CACNA1D: variants seen among roughly 807,000 people sequenced by gnomAD.
The protein encoded by CACNA1D is voltage-dependent L-type calcium channel subunit alpha-1D.
A neutral mutation model predicts 257.1 loss-of-function variants in CACNA1D; 55 were observed. The observed-to-expected ratio is 0.21, with a 90% CI of 0.17 to 0.27. The LOEUF is 0.27. Among genes scored for constraint, CACNA1D ranks in the 10% least tolerant of loss-of-function variants. CACNA1D has a pLI of 1.00. For missense variants in CACNA1D, 1,876 were observed against 2,784.0 expected (o/e 0.67, Z 7.34); for synonymous variants, 980 against 1,014.9 (o/e 0.97, Z 0.65).
intron 3 of CACNA1D, among the ~76,000 whole-genome samples, chr3:53,609,095 TG>T (rs1317085065): frequency 6.6e-6 from 1 of 152,106 alleles, no homozygotes. Context: ...GTTCTCTTTG[TG>T]GAAAGATTTC....
intron 5 of CACNA1D, among the ~76,000 whole-genome samples, chr3:53,664,612 G>T (rs568620247): frequency 5.4e-4 from 83 of 152,308 alleles, no homozygotes; most frequent in African/African-American, 1.8e-3. Flanking sequence ...TTGGTACTCT[G>T]TTCTTCTTCC....
At chr3:53,616,436 C>G (rs1284544153) in intron 3 of CACNA1D, among the ~76,000 whole-genome samples, 1 of 152,188 alleles carries the variant, frequency 6.6e-6, no homozygotes, top group Non-Finnish European at 1.5e-5. Context: ...CCCTCTTTCT[C>G]TGCTCTCCCT....
intron 4 of CACNA1D, among the ~76,000 whole-genome samples, chr3:53,657,199 G>T (rs112017042): frequency 1.3e-5 from 2 of 151,978 alleles, no homozygotes; most frequent in South Asian, 2.1e-4. Flanking sequence ...GGATATTACA[G>T]AACAACAAAA....
rs1275840982 is a variant in CACNA1D, at chr3:53,793,301, A to G, written c.4923+6349A>G. On this transcript the variant is annotated intron_variant, in intron 40 of 47. Transcript: ENST00000350061. This position sits in a 1 kb window ranked among gnomAD's most constrained non-coding sequence, Gnocchi z 4.1. The stretch of plus-strand genomic sequence containing the variant: ...ATTAAGTTATAAGAATTTATGAAGA[A>G]TGTGATGTATCGTCCCTGAAAGGGA... Among the ~76,000 whole-genome samples, 2 of 152,176 alleles carry G rather than the reference A, an allele frequency of 1.3e-5. No homozygotes were observed.
intron 4 of CACNA1D, among the ~76,000 whole-genome samples, chr3:53,658,806 A>G (rs1207894622): frequency 2.0e-5 from 3 of 152,246 alleles, no homozygotes; most frequent in African/African-American, 7.2e-5. Context: ...GGGAGAGCTC[A>G]CCATCTGAAG....
chr3:53,608,715 A>G (rs1177269964), intron 3 of CACNA1D, among the ~76,000 whole-genome samples: 1 of 152,182 alleles, frequency 6.6e-6, no homozygotes, highest in Non-Finnish European at 1.5e-5. Flanking sequence ...CACTCTTTTA[A>G]CGTATCTATT....
At chr3:53,524,227 T>C (rs2091680952) in intron 3 of CACNA1D, among the ~76,000 whole-genome samples, 1 of 152,202 alleles carries the variant, frequency 6.6e-6, no homozygotes, top group African/African-American at 2.4e-5. Flanking sequence ...TTTTCCTGAA[T>C]TGGGCAGTGG....
intron 3 of CACNA1D, among the ~76,000 whole-genome samples, chr3:53,620,280 C>T (rs1001637264): frequency 2.0e-5 from 3 of 152,054 alleles, no homozygotes; most frequent in Admixed American, 1.3e-4. Flanking sequence ...ACCCAGTTCT[C>T]GTCCATCTCT....
intron 4 of CACNA1D, among the ~76,000 whole-genome samples, chr3:53,658,491 A>G (rs1476427847): frequency 6.6e-6 from 1 of 152,236 alleles, no homozygotes; most frequent in Non-Finnish European, 1.5e-5. Context: ...CTGAAGAACA[A>G]GGAATAAAGG....
At chr3:53,763,889 T>C (rs1488945581) in intron 30 of CACNA1D, among the ~76,000 whole-genome samples, 1 of 152,158 alleles carries the variant, frequency 6.6e-6, no homozygotes, top group Non-Finnish European at 1.5e-5. Flanking sequence ...GCTGCAGATA[T>C]GTTATAGTGA....
chr3:53,774,458 T>C lies in CACNA1D; in HGVS notation c.4111-129T>C, dbSNP rs544412857. The C allele has an allele frequency of 8.6e-6, 6 of 693,960 alleles. No individual in the cohort carries two copies. The highest frequency in any genetic ancestry group is 6.2e-5 in the South Asian group (4 of 64,050). 43.0% of individuals were successfully genotyped at this position (693,960 alleles called of 1,614,324 possible). On this transcript the variant is annotated intron_variant, in intron 33 of 47. Coordinates refer to ENST00000350061, the MANE Select transcript of CACNA1D (RefSeq NM_001128840.3). The surrounding 1 kb of genome is among the most constrained non-coding windows in gnomAD (Gnocchi z 4.3). ...GCCTGGCAGATCTTTTTTGAATGAG[T>C]GAAGTGCCAGGTACCATGAGAAAAC...
chr3:53,687,120 T>C (rs1165500122), intron 8 of CACNA1D, among the ~76,000 whole-genome samples: 1 of 152,034 alleles, frequency 6.6e-6, no homozygotes, highest in East Asian at 1.9e-4. Context: ...AAACACTGAT[T>C]AGTAAAATTA....
intron 3 of CACNA1D, among the ~76,000 whole-genome samples, chr3:53,516,193 T>A (rs17053122): frequency 1.5e-3 from 233 of 152,330 alleles, no homozygotes; most frequent in African/African-American, 5.5e-3. Context: ...TCAAGAATAG[T>A]TCAAGAGAGT....
intron 8 of CACNA1D, among the ~76,000 whole-genome samples, chr3:53,687,625 A>T (rs2094484669): frequency 6.6e-6 from 1 of 152,196 alleles, no homozygotes; most frequent in Non-Finnish European, 1.5e-5. Flanking sequence ...GATCTAATTA[A>T]AAAGCTAAAC....
chr3:53,616,527 G>A (rs563982722), intron 3 of CACNA1D, among the ~76,000 whole-genome samples: 138 of 152,268 alleles, frequency 9.1e-4, no homozygotes, highest in Non-Finnish European at 1.5e-3. Context: ...ACTTAACGAG[G>A]AGACAACTCT....
intron 3 of CACNA1D, among the ~76,000 whole-genome samples, chr3:53,539,632 T>C (rs972589072): frequency 6.6e-6 from 1 of 152,250 alleles, no homozygotes; most frequent in African/African-American, 2.4e-5. Context: ...GGTATATACA[T>C]AGAAGTCGAA....
chr3:53,521,258 G>T (rs1030345934), intron 3 of CACNA1D, among the ~76,000 whole-genome samples: 3 of 152,012 alleles, frequency 2.0e-5, no homozygotes, highest in Admixed American at 6.6e-5. Context: ...GCCCAAACTG[G>T]TCTTGAAATC....
intron 3 of CACNA1D, among the ~76,000 whole-genome samples, chr3:53,505,126 T>TG (rs2090778515): frequency 6.8e-6 from 1 of 147,482 alleles, no homozygotes; most frequent in Non-Finnish European, 1.5e-5. Flanking sequence ...TTTTTTTTTT[T>TG]TTTTTTTTTT....
At chr3:53,805,936 T>TC (rs2095561875) in intron 45 of CACNA1D, among the ~76,000 whole-genome samples, 1 of 76,584 alleles carries the variant, frequency 1.3e-5, no homozygotes, top group Non-Finnish European at 2.4e-5. Context: ...TCTTCCCTCC[T>TC]CCTCCTCCCT....
Sources: gnomAD v4.1 joint callset for allele counts (sites outside exome capture counted in the v4.1 genomes callset) on GRCh38, gnomAD v4.1.1 for gene constraint, Gnocchi (gnomAD v3.1) non-coding constraint, MANE v1.5 for transcripts, NCBI Gene and HGNC (gene_info 2026-07-23, HGNC 2026-07-21) for gene names.